MIR17HG: variants seen among roughly 807,000 people sequenced by gnomAD.
MIR17HG encodes the protein miR-17-92a-1 cluster host gene.
chr13:91,349,151 G>T (rs1847418583), intron 1 of MIR17HG, among the ~76,000 whole-genome samples: 1 of 152,070 alleles, frequency 6.6e-6, no homozygotes, highest in Non-Finnish European at 1.5e-5. Context: ...CTCCATGAGC[G>T]TGGCGGGCAC....
chr13:91,353,668 G>A (rs1039560787), intron 3 of MIR17HG, among the ~76,000 whole-genome samples: 1 of 152,086 alleles, frequency 6.6e-6, no homozygotes, highest in African/African-American at 2.4e-5. Flanking sequence ...AAACAACTTT[G>A]ACCCTTGTTC....
intron 3 of MIR17HG, chr13:91,352,078 C>A (rs972095300): frequency 6.6e-6 from 1 of 152,232 alleles, no homozygotes; most frequent in South Asian, 2.1e-4. Flanking sequence ...GTACACTCTT[C>A]CCAAATGCCA....
At chr13:91,349,052 G>T (rs1191919558) in intron 1 of MIR17HG, among the ~76,000 whole-genome samples, 1 of 151,714 alleles carries the variant, frequency 6.6e-6, no homozygotes, top group East Asian at 1.9e-4. Context: ...GTCCGGCGGG[G>T]CCTGACTCTG....
chr13:91,348,218 G>A (rs1185418968), intron 1 of MIR17HG, among the ~76,000 whole-genome samples: 1 of 149,270 alleles, frequency 6.7e-6, no homozygotes, highest in African/African-American at 2.4e-5. Flanking sequence ...CGTGGCGGCC[G>A]CGCCCGGGAC....
At chr13:91,347,801 G>A (rs959504484), upstream of MIR17HG, 2 of 151,394 alleles carry the variant, frequency 1.3e-5, no homozygotes, top group East Asian at 1.9e-4. Context: ...CAGCGCCGCC[G>A]GGGCTCGCGC....
chr13:91,348,168 G>C (rs1441689578), intron 1 of MIR17HG, among the ~76,000 whole-genome samples: 5 of 136,118 alleles, frequency 3.7e-5, no homozygotes, highest in Non-Finnish European at 6.5e-5. Flanking sequence ...GGCGGAGGGG[G>C]GCAGGGCCGG....
intron 1 of MIR17HG, among the ~76,000 whole-genome samples, chr13:91,348,867 GGGCCGCGTGCGACGGGCACCGC>G (rs1875112987): frequency 6.7e-6 from 1 of 149,006 alleles, no homozygotes; most frequent in Admixed American, 6.7e-5. Context: ...CTTAGGCCTC[GGGCCGCGTGCGACGGGCACCGC>G]GGCCGCGGAG....
intron 3 of MIR17HG, chr13:91,351,273 G>T: frequency 1.9e-6 from 1 of 531,542 alleles, no homozygotes. Flanking sequence ...ACTGACTGTG[G>T]TAGTGAAAAG....
intron 1 of MIR17HG, among the ~76,000 whole-genome samples, chr13:91,348,797 G>A (rs1240035410): frequency 6.7e-6 from 1 of 150,110 alleles, no homozygotes; most frequent in Non-Finnish European, 1.5e-5. Context: ...GGGGCGGGCT[G>A]CACGGGGGTG....
exon 4 of MIR17HG, chr13:91,354,533 G>A (rs1566346813): frequency 1.3e-5 from 2 of 152,116 alleles, no homozygotes; most frequent in African/African-American, 2.4e-5. Flanking sequence ...AAGCTGTTAA[G>A]AAATTGTCCA....
intron 3 of MIR17HG, chr13:91,350,423 C>T: frequency 2.8e-6 from 1 of 352,298 alleles, no homozygotes; most frequent in African/African-American, 2.1e-5. Context: ...GGCATAAATA[C>T]GTGTCTAAAT....
chr13:91,353,475 C>T (rs909269717), intron 3 of MIR17HG, among the ~76,000 whole-genome samples: 2 of 152,138 alleles, frequency 1.3e-5, no homozygotes, highest in Non-Finnish European at 2.9e-5. Flanking sequence ...TGATTTGTTT[C>T]TGGCTTTAGA....
At chr13:91,348,754 G>A (rs1875102789) in intron 1 of MIR17HG, among the ~76,000 whole-genome samples, 1 of 150,332 alleles carries the variant, frequency 6.7e-6, no homozygotes, top group South Asian at 2.1e-4. Flanking sequence ...GCCCGGCTCG[G>A]CGGGAGCGGC....
intron 3 of MIR17HG, among the ~76,000 whole-genome samples, chr13:91,352,934 C>T (rs368699857): frequency 5.9e-5 from 9 of 151,556 alleles, no homozygotes; most frequent in South Asian, 2.1e-4. Flanking sequence ...CATGGTGAAA[C>T]GCTGTCTCTA....
chr13:91,352,942 C>G (rs1013661768), intron 3 of MIR17HG, among the ~76,000 whole-genome samples: 1 of 151,632 alleles, frequency 6.6e-6, no homozygotes, highest in Non-Finnish European at 1.5e-5. Flanking sequence ...AACGCTGTCT[C>G]TACTAAAAAT....
At chr13:91,351,891 A>G (rs1385999854) in intron 3 of MIR17HG, 1 of 155,744 alleles carries the variant, frequency 6.4e-6, no homozygotes, top group African/African-American at 2.4e-5. Flanking sequence ...TTACCAATAC[A>G]TGAGTAACTG....
chr13:91,352,616 T>C (rs545361560), intron 3 of MIR17HG, among the ~76,000 whole-genome samples: 61 of 152,216 alleles, frequency 4.0e-4, no homozygotes, highest in Non-Finnish European at 7.6e-4. Context: ...TAGCCTTGGA[T>C]TCCTGAATAG....
chr13:91,351,513 C>T, intron 3 of MIR17HG: 1 of 380,638 alleles, frequency 2.6e-6, no homozygotes, highest in Non-Finnish European at 5.7e-6. Context: ...GTAAATACAT[C>T]TTGTCTTGTT....
chr13:91,352,875 G>A (rs957859036), intron 3 of MIR17HG, among the ~76,000 whole-genome samples: 1 of 152,074 alleles, frequency 6.6e-6, no homozygotes. Context: ...TGGGGAGGCT[G>A]AGGCAGACGG....
Sources: allele counts gnomAD v4.1 joint callset (sites outside exome capture counted in the v4.1 genomes callset), GRCh38; gene constraint gnomAD v4.1.1; transcripts MANE v1.5; gene names NCBI Gene and HGNC (gene_info 2026-07-23, HGNC 2026-07-21).